Variants in NUP210 observed in about 807,000 individuals in gnomAD.
NUP210 encodes the protein nucleoporin 210.
In NUP210, 151 loss-of-function variants were observed where a neutral mutation model predicts 196.0. The ratio of observed to expected loss-of-function variants is 0.77; its 90% CI spans 0.67 to 0.88. NUP210 has a LOEUF of 0.88. NUP210 is among the 40% of genes least tolerant of loss of function. The pLI, the probability that NUP210 is intolerant of heterozygous loss-of-function variation, is 0.00. For missense variants in NUP210, 2,314 were observed against 2,493.7 expected (o/e 0.93, Z 1.53); for synonymous variants, 1,070 against 1,052.7 (o/e 1.02, Z -0.32).
chr3:13,371,627 G>A (rs1331041245), intron 13 of NUP210, among the ~76,000 whole-genome samples: 4 of 152,244 alleles, frequency 2.6e-5, no homozygotes, highest in Admixed American at 6.5e-5. Context: ...GCTGAGCGAG[G>A]CCACTGATTT....
intron 16 of NUP210, among the ~76,000 whole-genome samples, chr3:13,356,075 T>G (rs552474951): frequency 6.5e-4 from 99 of 152,284 alleles, no homozygotes; most frequent in Admixed American, 2.4e-3. Flanking sequence ...TGTCTCAATC[T>G]GGGGACAGCC....
intron 20 of NUP210, 48 bp from the exon 21 acceptor site, chr3:13,343,351 C>T (rs780713816): frequency 1.3e-6 from 2 of 1,590,332 alleles, no homozygotes; most frequent in South Asian, 1.1e-5. Flanking sequence ...GGTTACGCAG[C>T]TGCAGGGCCC....
intron 1 of NUP210, among the ~76,000 whole-genome samples, chr3:13,400,359 T>C (rs913249964): frequency 2.6e-5 from 4 of 152,082 alleles, no homozygotes; most frequent in African/African-American, 9.7e-5. Flanking sequence ...CTACCTGTAA[T>C]GATAAACACA....
At chr3:13,359,774 C>T (rs921216634) in intron 15 of NUP210, among the ~76,000 whole-genome samples, 1 of 152,164 alleles carries the variant, frequency 6.6e-6, no homozygotes, top group Non-Finnish European at 1.5e-5. Flanking sequence ...TCAGGTCACA[C>T]ATGTGTTTTG....
In NUP210 at chr3:13,360,388, A is replaced by T. The variant is rs1698331105; in HGVS notation, c.2036T>A (p.Phe679Tyr). The change falls in exon 15 of 40, where the codon TTC becomes TAC. Residue 679 changes from phenylalanine to tyrosine, a missense_variant. Physicochemically the swap from Phe to Tyr is conservative, Grantham distance 22 (BLOSUM62 3). Coordinates refer to ENST00000254508, the MANE Select transcript of NUP210 (RefSeq NM_024923.4). ...RPWILEPSKF[F>Y]QNVTAEDTDS... ...AGTGTCCTCAGCGGTGACGTTCTGG[A>T]AGAATTTGGACGGCTCGAGGATCCA... The T allele has an allele frequency of 6.2e-7, 1 of 1,614,110 alleles. No individual in the cohort carries two copies. The highest frequency in any genetic ancestry group is 1.3e-5 in the African/African-American group (1 of 75,032).
intron 3 of NUP210, among the ~76,000 whole-genome samples, chr3:13,393,296 C>T (rs772317801): frequency 6.6e-6 from 1 of 152,112 alleles, no homozygotes; most frequent in South Asian, 2.1e-4. Flanking sequence ...GCAAGGAAAA[C>T]GGTGGGAGAG....
intron 1 of NUP210, among the ~76,000 whole-genome samples, chr3:13,419,856 G>A (rs13324312): frequency 0.38 from 56,941 of 151,686 alleles, 11,276 homozygotes; most frequent in Non-Finnish European, 0.45. Flanking sequence ...GCGCCTCAGC[G>A]GCGCGGAGGC....
At chr3:13,403,058 C>T (rs1699892018) in intron 1 of NUP210, among the ~76,000 whole-genome samples, 1 of 152,192 alleles carries the variant, frequency 6.6e-6, no homozygotes. Context: ...GCCTATTCCT[C>T]CATTTTTAAA....
Position 13,322,240 on chromosome 3 carries a change from G to T in NUP210, c.4868C>A (p.Pro1623Gln), listed in dbSNP as rs1391147310. Residue 1623 changes from proline to glutamine, a missense_variant, in exon 35 of 40, where the codon CCA becomes CAA. Pro to Gln is a moderately conservative substitution (Grantham distance 76). Coordinates refer to ENST00000254508, the MANE Select transcript of NUP210 (RefSeq NM_024923.4). ...CTCCACGGTGAACACATCTTGAGAT[G>T]GGAAATCAAAGACGGCCGGCTTGAA... The part of the protein sequence containing the change: ...SQFKPAVFDF[P>Q]SQDVFTVEPQ... 1 of 1,614,218 alleles carries T rather than the reference G, an allele frequency of 6.2e-7. No individual in the cohort carries two copies.
intron 20 of NUP210, 123 bp from the exon 21 acceptor site, chr3:13,343,426 C>T: frequency 3.1e-6 from 4 of 1,285,822 alleles, no homozygotes; most frequent in Non-Finnish European, 4.3e-6. Flanking sequence ...CATGGGATGC[C>T]AGTGGCAGAG....
chr3:13,386,732 A>C (rs1699290665), intron 5 of NUP210, among the ~76,000 whole-genome samples: 1 of 152,172 alleles, frequency 6.6e-6, no homozygotes, highest in African/African-American at 2.4e-5. Flanking sequence ...TGCTATGGCC[A>C]CCGGGAGCTC....
Position 13,339,894 on chromosome 3 carries a change from G to A in NUP210, c.3431C>T (p.Ala1144Val), listed in dbSNP as rs747053904. 6.2e-7 allele frequency: 1 copy of A among 1,613,958 alleles called. No homozygotes were observed. Among genetic ancestry groups the A allele is most frequent in the Non-Finnish European group, 8.5e-7 (1 of 1,180,028 alleles). ...CACCTTGCCGGTCTCTGCATCCACT[G>A]CCTGCACGAGCCCAGACACAGTGCC... is the stretch of plus-strand genomic sequence containing the variant. ...GNGTVSGLVQ[A>V]VDAETGKVVI... The change falls in exon 25 of 40, where the codon GCA (alanine) becomes GTA (valine). Residue 1144 changes from alanine (A) to valine (V), a missense_variant. By Grantham distance (64) the Ala-to-Val change is moderately conservative. Transcript: ENST00000254508.
chr3:13,342,351 G>A (rs537323435), intron 21 of NUP210, among the ~76,000 whole-genome samples: 1 of 152,186 alleles, frequency 6.6e-6, no homozygotes, highest in Non-Finnish European at 1.5e-5. Flanking sequence ...CTACTCTTAA[G>A]TAACTAATAC....
At chr3:13,419,998 C>G in intron 1 of NUP210, 62 bp downstream of exon 1, 3 of 1,069,086 alleles carry the variant, frequency 2.8e-6, no homozygotes, top group Non-Finnish European at 3.4e-6. Flanking sequence ...GCCCGCCCAG[C>G]CTCTCAGCGC....
At chr3:13,395,087 G>A (rs972117100) in intron 3 of NUP210, among the ~76,000 whole-genome samples, 2 of 152,092 alleles carry the variant, frequency 1.3e-5, no homozygotes, top group Non-Finnish European at 2.9e-5. Context: ...CTGGCTGCAG[G>A]GGCCATCAAC....
intron 20 of NUP210, among the ~76,000 whole-genome samples, chr3:13,349,128 C>T (rs995367599): frequency 1.4e-5 from 2 of 145,200 alleles, no homozygotes; most frequent in African/African-American, 2.7e-5. Flanking sequence ...AATGAAGAAG[C>T]ATTTATTGGA....
Position 13,375,498 on chromosome 3 carries a change from A to G in NUP210, c.1431+6T>C. The G allele has an allele frequency of 6.2e-7, 1 of 1,612,698 alleles. No individual in the cohort carries two copies. Among genetic ancestry groups the G allele is most frequent in the Non-Finnish European group, 8.5e-7 (1 of 1,178,890 alleles). On this transcript the variant is annotated splice_donor_region_variant and intron_variant, in intron 11 of 39. Transcript: ENST00000254508. ...AATGCACGCAGAGGTGAGGGGTCTC[A>G]CGTACCCTTATTGTGTACTGATAGG...
In NUP210 at chr3:13,328,933, G is replaced by A. The variant is rs746466348; in HGVS notation, c.4124C>T (p.Ser1375Phe). The stretch of plus-strand genomic sequence containing the variant: ...AGGGCTCATGGAAACCCTCAGGTAG[G>A]AAACAGGGGATACCTAAGGGACAAC... ...IIVAVKVSPV[S>F]YLRVSMSPVL... The change falls in exon 31 of 40, where the codon TCC becomes TTC. Residue 1375 changes from serine (S) to phenylalanine (F), a missense_variant. Coordinates refer to ENST00000254508, the MANE Select transcript of NUP210 (RefSeq NM_024923.4). 1.2e-6 allele frequency: 2 copies of A among 1,613,750 alleles called. No homozygotes were observed. The highest frequency in any genetic ancestry group is 1.3e-5 in the African/African-American group (1 of 74,910).
At chr3:13,381,401 C>CTTTCTTTTCT (rs1051888721) in intron 6 of NUP210, among the ~76,000 whole-genome samples, 1 of 140,898 alleles carries the variant, frequency 7.1e-6, no homozygotes, top group Non-Finnish European at 1.5e-5. Context: ...ACCTCTTTTT[C>CTTTCTTTTCT]TTTCTTTTCT....
Sources: allele counts gnomAD v4.1 joint callset (sites outside exome capture counted in the v4.1 genomes callset), GRCh38; gene constraint gnomAD v4.1.1; transcripts MANE v1.5; gene names NCBI Gene and HGNC (gene_info 2026-07-23, HGNC 2026-07-21).